Variants in CAPN13 observed in about 807,000 individuals in gnomAD.
The protein encoded by CAPN13 is calpain-13.
Under a neutral mutation model 98.4 loss-of-function variants are expected in CAPN13, and 90 were observed. The ratio of observed to expected loss-of-function variants is 0.92; its 90% CI spans 0.77 to 1.09. The LOEUF (loss-of-function observed/expected upper bound fraction) is 1.09, where lower values mean the gene tolerates loss of function less well. CAPN13 is among the 50% of genes least tolerant of loss of function. The pLI is 0.00. For synonymous variants in CAPN13, 330 were observed against 305.5 expected (o/e 1.08, Z -0.84); for missense variants, 887 against 841.3 (o/e 1.05, Z -0.67).
At chr2:30,742,050 C>T in intron 14 of CAPN13, 86 bp from the exon 15 acceptor site, 2 of 1,246,130 alleles carry the variant, frequency 1.6e-6, no homozygotes, top group Non-Finnish European at 1.2e-6. Context: ...CAACCCCTGC[C>T]AAGATCTGAG....
intron 12 of CAPN13, chr2:30,745,249 C>A (rs1457184586): frequency 2.1e-6 from 1 of 472,930 alleles, no homozygotes; most frequent in Non-Finnish European, 4.4e-6. Flanking sequence ...TTTCACCAAT[C>A]CTGAGCCAGA....
intron 7 of CAPN13, among the ~76,000 whole-genome samples, chr2:30,759,710 G>A (rs907419936): frequency 1.3e-5 from 2 of 152,222 alleles, no homozygotes; most frequent in African/African-American, 2.4e-5. Context: ...GACAGCGGCG[G>A]AGGCAGAATT....
At chr2:30,723,756 G>A (rs938012573) in intron 22 of CAPN13, among the ~76,000 whole-genome samples, 2 of 152,186 alleles carry the variant, frequency 1.3e-5, no homozygotes, top group African/African-American at 4.8e-5. Context: ...GCAATAATCA[G>A]CCAGCTGCCC....
intron 7 of CAPN13, among the ~76,000 whole-genome samples, 156 bp from the exon 8 acceptor site, chr2:30,758,293 A>G (rs987706772): frequency 6.6e-6 from 1 of 152,290 alleles, no homozygotes; most frequent in African/African-American, 2.4e-5. Context: ...AAAAAAATCA[A>G]TGTCTCTCTA....
intron 1 of CAPN13, among the ~76,000 whole-genome samples, chr2:30,797,401 T>C (rs1321452089): frequency 6.6e-6 from 1 of 152,178 alleles, no homozygotes; most frequent in East Asian, 1.9e-4. Context: ...AGGTTGAAAC[T>C]TGGGTTTGAA....
At chr2:30,743,265 T>C in intron 13 of CAPN13, 118 bp downstream of exon 13, 3 of 918,292 alleles carry the variant, frequency 3.3e-6, no homozygotes, top group South Asian at 1.5e-5. Context: ...GCCAATATCA[T>C]GTCCCCAGTG....
chr2:30,770,866 G>A (rs1572849810), intron 4 of CAPN13, among the ~76,000 whole-genome samples: 1 of 152,234 alleles, frequency 6.6e-6, no homozygotes, highest in Non-Finnish European at 1.5e-5. Flanking sequence ...GAGAGGCAGA[G>A]CCTGCAGGAG....
intron 7 of CAPN13, among the ~76,000 whole-genome samples, chr2:30,758,553 CG>C (rs1467077504): frequency 6.6e-6 from 1 of 152,124 alleles, no homozygotes; most frequent in Non-Finnish European, 1.5e-5. Flanking sequence ...GATTCTCTGC[CG>C]GCAGCCCAGT....
chr2:30,734,545 AG>A, intron 18 of CAPN13, 21 bp from the exon 19 acceptor site: 1 of 1,602,164 alleles, frequency 6.2e-7, no homozygotes, highest in Non-Finnish European at 8.6e-7. Flanking sequence ...AAGAGAAGCA[AG>A]AAGTCTGTGT....
intron 18 of CAPN13, among the ~76,000 whole-genome samples, chr2:30,735,187 C>G (rs1464249156): frequency 2.0e-5 from 3 of 152,176 alleles, no homozygotes; most frequent in Non-Finnish European, 4.4e-5. Context: ...CTACCTCTAT[C>G]CAATTCTCTG....
chr2:30,731,978 T>A (rs540010575), intron 20 of CAPN13, among the ~76,000 whole-genome samples: 1 of 152,186 alleles, frequency 6.6e-6, no homozygotes, highest in East Asian at 1.9e-4. Flanking sequence ...CACACTAGAT[T>A]TCATTAAAAA....
intron 9 of CAPN13, 91 bp downstream of exon 9, chr2:30,754,198 TC>T: frequency 9.7e-7 from 1 of 1,030,836 alleles, no homozygotes; most frequent in South Asian, 2.0e-5. Flanking sequence ...AAAGCTATTT[TC>T]CACCTTCGTA....
In CAPN13 at chr2:30,787,330, C is replaced by T. The variant is rs904778586; in HGVS notation, c.-5G>A. On this transcript the variant is annotated 5_prime_UTR_variant, in exon 2 of 23. Coordinates refer to ENST00000295055, the MANE Select transcript of CAPN13 (RefSeq NM_144575.3). ...AGGCTCCTGGTAATACGCCATGACT[C>T]TCCTTAGAAGACTTCCGAGGTCCTT... 11 of 1,610,144 alleles carry T rather than the reference C, an allele frequency of 6.8e-6. No individual in the cohort carries two copies. Among genetic ancestry groups the T allele is most frequent in the African/African-American group, 2.7e-5 (2 of 74,836 alleles).
chr2:30,778,669 G>A (rs1404605712), intron 2 of CAPN13, among the ~76,000 whole-genome samples: 1 of 152,172 alleles, frequency 6.6e-6, no homozygotes, highest in Non-Finnish European at 1.5e-5. Context: ...AGGTTTCCTG[G>A]AAGAGATGCA....
At chr2:30,801,596 C>T (rs1374237219) in intron 1 of CAPN13, among the ~76,000 whole-genome samples, 1 of 117,446 alleles carries the variant, frequency 8.5e-6, no homozygotes, top group African/African-American at 3.4e-5. Flanking sequence ...TAGAGGGAGA[C>T]TCAGTCTTAA....
chr2:30,749,890 C>A (rs187842816), intron 11 of CAPN13, among the ~76,000 whole-genome samples: 199 of 152,242 alleles, frequency 1.3e-3, no homozygotes, highest in African/African-American at 4.7e-3. Flanking sequence ...ATCAGATTTT[C>A]TTTTGTAGCT....
intron 2 of CAPN13, among the ~76,000 whole-genome samples, chr2:30,781,972 T>C (rs972821695): frequency 5.9e-5 from 9 of 152,254 alleles, no homozygotes; most frequent in African/African-American, 1.9e-4. Context: ...CCAACAGCAA[T>C]AGTCAAGCTA....
chr2:30,768,324 G>A (rs983892731), intron 5 of CAPN13, among the ~76,000 whole-genome samples: 3 of 152,242 alleles, frequency 2.0e-5, no homozygotes, highest in African/African-American at 7.2e-5. Context: ...GAGGCACAAG[G>A]CCAGTTGGCC....
chr2:30,792,607 A>G (rs1244938233), intron 1 of CAPN13, among the ~76,000 whole-genome samples: 1 of 152,104 alleles, frequency 6.6e-6, no homozygotes, highest in East Asian at 1.9e-4. Context: ...AGATAGTTTC[A>G]CTAGTGAATT....
Sources: gnomAD v4.1 joint callset for allele counts (sites outside exome capture counted in the v4.1 genomes callset) on GRCh38, gnomAD v4.1.1 for gene constraint, MANE v1.5 for transcripts, NCBI Gene and HGNC (gene_info 2026-07-23, HGNC 2026-07-21) for gene names.